LINC00305: variants seen among roughly 807,000 people sequenced by gnomAD.
LINC00305 encodes the protein long intergenic non-protein coding RNA 305.
intron 3 of LINC00305, among the ~76,000 whole-genome samples, chr18:64,097,186 T>C (rs969495630): frequency 7.9e-5 from 12 of 152,110 alleles, no homozygotes; most frequent in Non-Finnish European, 1.2e-4. Context: ...AGTTGTAATA[T>C]GTGTTTATCG....
intron 1 of LINC00305, among the ~76,000 whole-genome samples, chr18:64,143,609 C>CACATGTACACATATGT (rs2051478376): frequency 1.9e-5 from 2 of 105,372 alleles, no homozygotes; most frequent in African/African-American, 8.8e-5. Context: ...TGTATATGTA[C>CACATGTACACATATGT]ATATGTACAC....
chr18:64,101,890 G>A (rs1223550509), intron 1 of LINC00305, among the ~76,000 whole-genome samples: 1 of 152,100 alleles, frequency 6.6e-6, no homozygotes, highest in Admixed American at 6.6e-5. Flanking sequence ...GCCTACAAAT[G>A]AATATGGCTG....
At chr18:64,128,383 A>G (rs2144265692) in intron 1 of LINC00305, among the ~76,000 whole-genome samples, 1 of 152,234 alleles carries the variant, frequency 6.6e-6, no homozygotes, top group African/African-American at 2.4e-5. Flanking sequence ...CCAGGTCACA[A>G]TCTTGAACTG....
At chr18:64,099,976 G>A (rs186078818) in intron 1 of LINC00305, among the ~76,000 whole-genome samples, 243 of 152,276 alleles carry the variant, frequency 1.6e-3, no homozygotes, top group African/African-American at 5.6e-3. Flanking sequence ...TTAATATAAA[G>A]TGAAAGCTAG....
At chr18:64,142,558 T>G (rs921496548) in intron 1 of LINC00305, among the ~76,000 whole-genome samples, 2 of 152,162 alleles carry the variant, frequency 1.3e-5, no homozygotes, top group African/African-American at 4.8e-5. Context: ...CAAGCATGAA[T>G]TAGTGTTGCA....
chr18:64,090,034 C>T (rs1005194857), intron 3 of LINC00305, among the ~76,000 whole-genome samples: 8 of 152,052 alleles, frequency 5.3e-5, no homozygotes, highest in Admixed American at 2.0e-4. Context: ...ACTTAAGGGG[C>T]AAATAGTGGG....
chr18:64,103,012 A>G (rs189599407), intron 1 of LINC00305, among the ~76,000 whole-genome samples: 10 of 152,314 alleles, frequency 6.6e-5, no homozygotes. Context: ...CAGGACGAGC[A>G]TGCTCTGTAG....
intron 1 of LINC00305, among the ~76,000 whole-genome samples, chr18:64,120,406 CTG>C (rs894633642): frequency 1.3e-5 from 2 of 152,002 alleles, no homozygotes; most frequent in Admixed American, 1.3e-4. Context: ...CTCCTTATCC[CTG>C]TGTGGTATGC....
intron 3 of LINC00305, among the ~76,000 whole-genome samples, chr18:64,094,158 A>G (rs773788659): frequency 6.6e-6 from 1 of 152,198 alleles, no homozygotes; most frequent in Non-Finnish European, 1.5e-5. Flanking sequence ...GGCCAAAATG[A>G]TAGCAAACTA....
chr18:64,120,046 T>C (rs2051354860), intron 1 of LINC00305, among the ~76,000 whole-genome samples: 1 of 152,114 alleles, frequency 6.6e-6, no homozygotes, highest in Admixed American at 6.6e-5. Flanking sequence ...TTTCCTTCTC[T>C]CACCATCAAT....
chr18:64,092,759 C>T (rs141611209), intron 3 of LINC00305, among the ~76,000 whole-genome samples: 194 of 152,154 alleles, frequency 1.3e-3, no homozygotes, highest in Admixed American at 3.6e-3. Context: ...GTGATTATGC[C>T]GAGAGCAAGA....
At chr18:64,119,409 A>G (rs1292415371) in intron 1 of LINC00305, among the ~76,000 whole-genome samples, 1 of 152,140 alleles carries the variant, frequency 6.6e-6, no homozygotes, top group African/African-American at 2.4e-5. Flanking sequence ...AACTTAGCAT[A>G]TTTGTTAAAT....
chr18:64,136,213 C>T (rs1236639605), intron 1 of LINC00305, among the ~76,000 whole-genome samples: 4 of 152,154 alleles, frequency 2.6e-5, no homozygotes, highest in African/African-American at 9.7e-5. Flanking sequence ...GTGTATGATA[C>T]AGGACTTGTT....
At chr18:64,127,711 A>G (rs779249638) in intron 1 of LINC00305, among the ~76,000 whole-genome samples, 4 of 152,064 alleles carry the variant, frequency 2.6e-5, no homozygotes, top group Non-Finnish European at 5.9e-5. Context: ...AGCCAGCCCA[A>G]TGGACCCAAT....
chr18:64,105,163 TA>T (rs1303961799), intron 1 of LINC00305, among the ~76,000 whole-genome samples: 3 of 152,100 alleles, frequency 2.0e-5, no homozygotes, highest in Admixed American at 6.5e-5. Context: ...ACAGTGCATA[TA>T]AAAAATGTTT....
intron 1 of LINC00305, among the ~76,000 whole-genome samples, chr18:64,124,314 GT>G (rs1454691151): frequency 6.6e-6 from 1 of 152,024 alleles, no homozygotes; most frequent in African/African-American, 2.4e-5. Context: ...CTCTCAACTG[GT>G]TTTCCTCATG....
At chr18:64,139,620 T>C (rs974026479) in intron 1 of LINC00305, 6 of 152,140 alleles carry the variant, frequency 3.9e-5, no homozygotes, top group African/African-American at 1.4e-4. Context: ...GAAAAATCAC[T>C]GTCAAATAAA....
At chr18:64,080,158 A>C (rs945816524) in exon 4 of LINC00305, 1 of 215,638 alleles carries the variant, frequency 4.6e-6, no homozygotes, top group Non-Finnish European at 9.8e-6. Flanking sequence ...CCTGCATGAG[A>C]CCTTTCAATG....
intron 1 of LINC00305, among the ~76,000 whole-genome samples, chr18:64,135,449 A>T (rs2051428562): frequency 6.6e-6 from 1 of 152,080 alleles, no homozygotes; most frequent in African/African-American, 2.4e-5. Context: ...CAGAAACACA[A>T]ATGTACATGG....
Sources: allele counts gnomAD v4.1 joint callset (sites outside exome capture counted in the v4.1 genomes callset), GRCh38; gene constraint gnomAD v4.1.1; transcripts MANE v1.5; gene names NCBI Gene and HGNC (gene_info 2026-07-23, HGNC 2026-07-21).